CDC42BPA: variants seen among roughly 807,000 people sequenced by gnomAD.
CDC42BPA encodes serine/threonine-protein kinase MRCK alpha.
CDC42BPA carries 80 observed loss-of-function variants against 223.5 expected under a neutral mutation model. That is an observed-to-expected ratio of 0.36 (90% CI 0.30 to 0.43). The LOEUF (loss-of-function observed/expected upper bound fraction) is 0.43. Ranked by LOEUF, CDC42BPA falls within the 20% of genes least tolerant of loss-of-function variation. CDC42BPA has a pLI of 1.00. For synonymous variants in CDC42BPA, 694 were observed against 718.6 expected (o/e 0.97, Z 0.55); for missense variants, 1,743 against 2,099.9 (o/e 0.83, Z 3.32).
intron 14 of CDC42BPA, 30 bp from the exon 15 acceptor site, chr1:227,101,269 A>G (rs745859412): frequency 7.0e-6 from 9 of 1,289,024 alleles, no homozygotes; most frequent in African/African-American, 1.5e-5. Context: ...AGATTAGTGC[A>G]TCTACAAGAA....
At chr1:227,162,729 G>A (rs1039806256) in intron 5 of CDC42BPA, among the ~76,000 whole-genome samples, 4 of 152,156 alleles carry the variant, frequency 2.6e-5, no homozygotes, top group African/African-American at 9.7e-5. Context: ...CCAGCTATTT[G>A]GGAGGCTGAA....
chr1:227,102,243 G>A (rs1380890682), intron 14 of CDC42BPA, among the ~76,000 whole-genome samples: 1 of 152,092 alleles, frequency 6.6e-6, no homozygotes, highest in Non-Finnish European at 1.5e-5. Context: ...AAGAGCAAAG[G>A]AAGTGATGTG....
chr1:227,093,932 A>C (rs1489728352), intron 15 of CDC42BPA, among the ~76,000 whole-genome samples: 1 of 152,174 alleles, frequency 6.6e-6, no homozygotes, highest in Non-Finnish European at 1.5e-5. Flanking sequence ...CAAAGCAGCT[A>C]TAACCTGAGG....
chr1:227,135,280 G>A (rs557663729), intron 10 of CDC42BPA, among the ~76,000 whole-genome samples: 4 of 152,320 alleles, frequency 2.6e-5, no homozygotes, highest in South Asian at 4.1e-4. Flanking sequence ...CTTGGGGGCT[G>A]CATGGGAAGT....
In CDC42BPA at chr1:227,318,179, G is replaced by A. The variant is rs1223244732; in HGVS notation, c.-997C>T. ...GGGGGGGTGCTTCTCTGAATTCAAA[G>A]GACACAAGCAGCAGCAGCTGCGGCG... On this transcript the variant is annotated 5_prime_UTR_variant, in exon 1 of 37. Transcript: ENST00000366766. 7 of 157,372 alleles carry A rather than the reference G, an allele frequency of 4.4e-5. No individual in the cohort carries two copies. Among genetic ancestry groups the A allele is most frequent in the Non-Finnish European group, 8.3e-5 (6 of 72,280 alleles). 9.7% of individuals were successfully genotyped at this position (157,372 alleles called of 1,614,324 possible).
chr1:227,133,180 T>C (rs1657660520), intron 10 of CDC42BPA, among the ~76,000 whole-genome samples: 1 of 146,552 alleles, frequency 6.8e-6, no homozygotes. Flanking sequence ...GGAACCCCTC[T>C]GCCTGGCCGG....
At chr1:227,188,777 C>T (rs930283294) in intron 5 of CDC42BPA, among the ~76,000 whole-genome samples, 11 of 152,084 alleles carry the variant, frequency 7.2e-5, no homozygotes, top group Non-Finnish European at 8.8e-5. Flanking sequence ...GGCGGATACA[C>T]GTTGTTCTGC....
chr1:227,219,225 T>G (rs1274849936), intron 2 of CDC42BPA: 1 of 152,218 alleles, frequency 6.6e-6, no homozygotes, highest in Non-Finnish European at 1.5e-5. Context: ...CTAGTTATAG[T>G]AATTAGAGGA....
At chr1:227,041,165 T>TTTTAGA (rs1257383939) in intron 23 of CDC42BPA, among the ~76,000 whole-genome samples, 6 of 152,116 alleles carry the variant, frequency 3.9e-5, no homozygotes, top group Admixed American at 1.3e-4. Flanking sequence ...TCAACTCTTA[T>TTTTAGA]TTTAGATTTG....
intron 1 of CDC42BPA, among the ~76,000 whole-genome samples, chr1:227,275,284 CAT>C (rs1686738580): frequency 1.9e-5 from 2 of 106,594 alleles, no homozygotes; most frequent in African/African-American, 7.2e-5. Context: ...AAAAAGACAA[CAT>C]ATCAAAACAT....
chr1:227,061,838 C>T (rs1056211440), intron 21 of CDC42BPA, among the ~76,000 whole-genome samples: 1 of 152,184 alleles, frequency 6.6e-6, no homozygotes, highest in South Asian at 2.1e-4. Context: ...CTACAATCTG[C>T]CCCTTGGGGA....
chr1:227,216,120 CTATA>C (rs67257803), intron 2 of CDC42BPA, among the ~76,000 whole-genome samples: 8 of 136,664 alleles, frequency 5.9e-5, no homozygotes, highest in African/African-American at 5.6e-5. Context: ...TTTTCTCTCT[CTATA>C]TATATATATA....
chr1:227,096,064 T>C (rs538335246), intron 15 of CDC42BPA, among the ~76,000 whole-genome samples: 9 of 152,294 alleles, frequency 5.9e-5, no homozygotes, highest in South Asian at 4.1e-4. Flanking sequence ...TGGTTGATCT[T>C]AAAAGTGTAA....
intron 22 of CDC42BPA, among the ~76,000 whole-genome samples, chr1:227,049,449 T>C (rs1673102161): frequency 6.6e-6 from 1 of 152,142 alleles, no homozygotes; most frequent in Non-Finnish European, 1.5e-5. Flanking sequence ...GTATACCATG[T>C]TCATAGATGG....
intron 5 of CDC42BPA, among the ~76,000 whole-genome samples, chr1:227,187,023 G>A (rs577287015): frequency 6.6e-6 from 1 of 152,260 alleles, no homozygotes; most frequent in African/African-American, 2.4e-5. Context: ...TAATCAGAAT[G>A]TATATTCAAG....
At position 227,112,684 on chromosome 1, in the gene CDC42BPA, C is replaced by G; in HGVS notation, c.1877G>C (p.Arg626Thr). The G allele has an allele frequency of 6.2e-7, 1 of 1,613,058 alleles. No homozygotes were observed. Among genetic ancestry groups the G allele is most frequent in the South Asian group, 1.1e-5 (1 of 90,890 alleles). Residue 626 changes from arginine to threonine, a missense_variant, in exon 13 of 37, where the codon AGA becomes ACA. By Grantham distance (71) the Arg-to-Thr change is moderately conservative. Transcript: ENST00000366766. Reference sequence around the variant, plus strand: ...CTGACTACTAACCTCTTTTTTGGCTCTTTCTGTTCTGCGCAGTTCTTGCCT... The same window carrying G: ...CTGACTACTAACCTCTTTTTTGGCTGTTTCTGTTCTGCGCAGTTCTTGCCT... Reference protein sequence around the residue: ...SLRQELRRTERAKKELEVHTE... With the variant: ...SLRQELRRTETAKKELEVHTE...
chr1:227,099,241 A>G (rs938665135), intron 15 of CDC42BPA, among the ~76,000 whole-genome samples: 1 of 152,000 alleles, frequency 6.6e-6, no homozygotes, highest in Non-Finnish European at 1.5e-5. Flanking sequence ...GCTTCTACTT[A>G]ATATTTTTTT....
intron 1 of CDC42BPA, among the ~76,000 whole-genome samples, chr1:227,296,705 A>G (rs544142313): frequency 7.2e-6 from 1 of 138,878 alleles, no homozygotes; most frequent in African/African-American, 2.8e-5. Context: ...GACTCTCCCC[A>G]CATCAAAAAA....
At chr1:227,299,545 T>C (rs972434750) in intron 1 of CDC42BPA, among the ~76,000 whole-genome samples, 1 of 152,230 alleles carries the variant, frequency 6.6e-6, no homozygotes, top group African/African-American at 2.4e-5. Flanking sequence ...AAATATATAA[T>C]GTTATCTAGA....
Sources: gnomAD v4.1 joint callset for allele counts (sites outside exome capture counted in the v4.1 genomes callset) on GRCh38, gnomAD v4.1.1 for gene constraint, MANE v1.5 for transcripts, NCBI Gene and HGNC (gene_info 2026-07-23, HGNC 2026-07-21) for gene names.